Variants in MCM6 observed in about 807,000 individuals in gnomAD.
MCM6 encodes the protein DNA replication licensing factor MCM6.
In MCM6, 46 loss-of-function variants were observed where a neutral mutation model predicts 94.3. That is an observed-to-expected ratio of 0.49 (90% CI 0.39 to 0.62). The LOEUF is 0.62. MCM6 is among the 20% of genes least tolerant of loss of function. The pLI is 0.00. For synonymous variants in MCM6, 335 were observed against 351.9 expected (o/e 0.95, Z 0.54); for missense variants, 865 against 1,017.9 (o/e 0.85, Z 2.04).
At chr2:135,865,254 C>G (rs1243845421) in intron 6 of MCM6, 91 bp from the exon 7 acceptor site, 1 of 950,156 alleles carries the variant, frequency 1.1e-6, no homozygotes, top group East Asian at 3.1e-5. Flanking sequence ...CACAACATAG[C>G]ATGGGAAGTC....
chr2:135,872,908 T>A lies in MCM6; in HGVS notation c.108-65A>T, dbSNP rs535740351. 2.3e-4 allele frequency: 357 copies of A among 1,573,830 alleles called. 6 individuals carry two copies. The South Asian group carries it at 3.9e-3, about 17-fold the overall frequency. On this transcript the variant is annotated intron_variant, in intron 1 of 16. Coordinates refer to ENST00000264156, the MANE Select transcript of MCM6 (RefSeq NM_005915.6). ...CAGTACAAAGAACCTGAATGATAAT[T>A]CAGAACATTGGTTAAAGTCCAACAA...
intron 13 of MCM6, among the ~76,000 whole-genome samples, chr2:135,849,948 T>C (rs1165676270): frequency 6.6e-6 from 1 of 152,174 alleles, no homozygotes; most frequent in East Asian, 1.9e-4. Flanking sequence ...AGAAAATATA[T>C]TTGTGTATAT....
chr2:135,872,607 G>C, intron 2 of MCM6, 90 bp downstream of exon 2: 1 of 1,334,560 alleles, frequency 7.5e-7, no homozygotes, highest in South Asian at 1.4e-5. Flanking sequence ...CTGACCTTCT[G>C]CTACACAAGT....
chr2:135,871,524 A>G (rs1175641595), intron 2 of MCM6, among the ~76,000 whole-genome samples: 1 of 152,206 alleles, frequency 6.6e-6, no homozygotes, highest in East Asian at 1.9e-4. Context: ...AACTGTCCAC[A>G]ATTTATTTTA....
At position 135,876,354 on chromosome 2, in the gene MCM6, C is replaced by T. The variant is rs1235885204; in HGVS notation, c.12G>A (p.Ala4=). Residue 4 remains alanine (A), a synonymous_variant, in exon 1 of 17, where the codon GCG becomes GCA. Coordinates refer to ENST00000264156, the MANE Select transcript of MCM6 (RefSeq NM_005915.6). MDL[A]AAAEPGAGSQ... is the part of the protein sequence containing the mutation. ...TGCCGGCGCCCGGCTCCGCTGCCGCCGCGAGGTCCATATTTGCTTAGTGCC... is the reference window on the plus strand; with the variant it reads ...TGCCGGCGCCCGGCTCCGCTGCCGCTGCGAGGTCCATATTTGCTTAGTGCC... 2 of 1,607,298 alleles carry T rather than the reference C, an allele frequency of 1.2e-6. No homozygotes were observed. Among genetic ancestry groups the T allele is most frequent in the Non-Finnish European group, 1.7e-6 (2 of 1,179,004 alleles).
chr2:135,861,873 C>T lies in MCM6; in HGVS notation c.1220+734G>A, dbSNP rs542615703. ...CCTCATGATCCGCCCGCCTTGATTT[C>T]CCAAAGTGCTGGGATTACAGGCGTG... is the stretch of plus-strand genomic sequence containing the variant. On this transcript the variant is annotated intron_variant, in intron 8 of 16. Transcript: ENST00000264156. Among the ~76,000 whole-genome samples the T allele has an allele frequency of 3.2e-4, 49 of 152,316 alleles. No individual in the cohort carries two copies. In the East Asian group the frequency reaches 9.3e-3, roughly 29 times the overall value.
At chr2:135,871,234 G>A (rs1323872343) in intron 2 of MCM6, among the ~76,000 whole-genome samples, 3 of 152,156 alleles carry the variant, frequency 2.0e-5, no homozygotes, top group Non-Finnish European at 2.9e-5. Context: ...TAAAAAAGGC[G>A]CTACTCTCAG....
chr2:135,855,239 TA>T (rs1679850112), intron 11 of MCM6, among the ~76,000 whole-genome samples: 1 of 152,262 alleles, frequency 6.6e-6, no homozygotes, highest in South Asian at 2.1e-4. Flanking sequence ...TAAAGGTTTA[TA>T]ACTTGATCTG....
rs371014113 is a variant in MCM6, at chr2:135,854,949, G to GT, written c.1626+1778dup. 3.1e-3 allele frequency among the ~76,000 whole-genome samples: 466 copies of GT among 152,236 alleles called. 1 individual carries two copies. Among genetic ancestry groups the GT allele is most frequent in the African/African-American group, 0.011 (445 of 41,564 alleles). Reference sequence around the variant, plus strand: ...GTCGGTGGATCAACTGAGGTCAGGTGTTTGAGACCAGCCTGGCCAACATGG... The same window carrying GT: ...GTCGGTGGATCAACTGAGGTCAGGTGTTTTGAGACCAGCCTGGCCAACATGG... On this transcript the variant is annotated intron_variant, in intron 11 of 16. Coordinates refer to ENST00000264156, the MANE Select transcript of MCM6 (RefSeq NM_005915.6).
intron 7 of MCM6, 61 bp downstream of exon 7, chr2:135,864,952 T>C (rs1222612945): frequency 8.1e-7 from 1 of 1,238,250 alleles, no homozygotes; most frequent in Non-Finnish European, 1.1e-6. Flanking sequence ...AAATCACCTG[T>C]GGCTGTTTAT....
intron 15 of MCM6, among the ~76,000 whole-genome samples, chr2:135,845,514 G>C (rs1426730350): frequency 6.6e-6 from 1 of 152,198 alleles, no homozygotes; most frequent in Non-Finnish European, 1.5e-5. Flanking sequence ...AGGGGAACAA[G>C]GGCAGAAACT....
chr2:135,871,610 C>T (rs1680202978), intron 2 of MCM6, among the ~76,000 whole-genome samples: 2 of 152,132 alleles, frequency 1.3e-5, no homozygotes, highest in African/African-American at 2.4e-5. Flanking sequence ...ATGTTTCTTG[C>T]TATATATAAC....
chr2:135,852,942 G>T (rs375022703), intron 11 of MCM6, 27 bp from the exon 12 acceptor site: 11 of 1,568,722 alleles, frequency 7.0e-6, no homozygotes, highest in Non-Finnish European at 9.5e-6. Context: ...AAATCACTTT[G>T]ATAGTCACAG....
chr2:135,864,558 G>A (rs1680055054), intron 7 of MCM6, among the ~76,000 whole-genome samples: 1 of 152,118 alleles, frequency 6.6e-6, no homozygotes, highest in Admixed American at 6.6e-5. Context: ...ACACTTAAGT[G>A]CAGCTCTGTC....
At chr2:135,864,635 A>T in intron 7 of MCM6, among the ~76,000 whole-genome samples, 1 of 152,258 alleles carries the variant, frequency 6.6e-6, no homozygotes, top group Non-Finnish European at 1.5e-5. Context: ...ATAAAAATAC[A>T]TAATAAAACT....
chr2:135,867,243 C>A (rs1481083789), intron 4 of MCM6, among the ~76,000 whole-genome samples: 1 of 152,082 alleles, frequency 6.6e-6, no homozygotes, highest in Non-Finnish European at 1.5e-5. Flanking sequence ...TAAAGACAAT[C>A]CTGTTACAAT....
chr2:135,851,646 G>C (rs1436661617), intron 12 of MCM6, 83 bp from the exon 13 acceptor site: 1 of 1,247,496 alleles, frequency 8.0e-7, no homozygotes, highest in African/African-American at 1.5e-5. Context: ...AGCCTTCCAG[G>C]TGGAAACATT....
chr2:135,875,772 A>AT (rs1483455971), intron 1 of MCM6, among the ~76,000 whole-genome samples: 2 of 152,222 alleles, frequency 1.3e-5, no homozygotes, highest in African/African-American at 4.8e-5. Flanking sequence ...GTTGACGCAG[A>AT]AACTTTCATC....
intron 3 of MCM6, among the ~76,000 whole-genome samples, chr2:135,869,393 T>C (rs1327785472): frequency 6.9e-6 from 1 of 143,954 alleles, no homozygotes; most frequent in Non-Finnish European, 1.5e-5. Context: ...AGAGCAAGAC[T>C]CTGTCTCAGA....
Sources: allele counts gnomAD v4.1 joint callset (sites outside exome capture counted in the v4.1 genomes callset), GRCh38; gene constraint gnomAD v4.1.1; transcripts MANE v1.5; gene names NCBI Gene and HGNC (gene_info 2026-07-23, HGNC 2026-07-21).